The following ROBO2 variants were observed in gnomAD, a reference collection of about 807,000 sequenced individuals.
ROBO2 encodes the protein roundabout homolog 2.
Under a neutral mutation model 160.8 loss-of-function variants are expected in ROBO2, and 53 were observed. The observed-to-expected ratio is 0.33, with a 90% CI of 0.26 to 0.41. The LOEUF is 0.41. ROBO2 is among the 10% of genes least tolerant of loss of function. ROBO2 has a pLI of 1.00. For synonymous variants in ROBO2, 664 were observed against 611.7 expected (o/e 1.09, Z -1.26); for missense variants, 1,577 against 1,722.4 (o/e 0.92, Z 1.49).
chr3:76,674,646 T>C (rs1163540608), intron 2 of ROBO2, among the ~76,000 whole-genome samples: 1 of 130,860 alleles, frequency 7.6e-6, no homozygotes, highest in Non-Finnish European at 1.7e-5. Context: ...CTGTAGAAAG[T>C]GCAAATTAAA....
chr3:76,695,083 G>A (rs1409666857), intron 2 of ROBO2, among the ~76,000 whole-genome samples: 3 of 152,144 alleles, frequency 2.0e-5, no homozygotes, highest in Non-Finnish European at 4.4e-5. Flanking sequence ...CAGCCTGGGC[G>A]ATGGAGTGAG....
chr3:76,825,645 T>A (rs2066518307), intron 2 of ROBO2, among the ~76,000 whole-genome samples: 1 of 143,514 alleles, frequency 7.0e-6, no homozygotes, highest in Non-Finnish European at 1.5e-5. Context: ...AAGATGCATT[T>A]TTTTCCCTAT....
chr3:77,219,141 G>C (rs1019838960), intron 2 of ROBO2, among the ~76,000 whole-genome samples: 6 of 151,602 alleles, frequency 4.0e-5, no homozygotes, highest in African/African-American at 1.2e-4. Flanking sequence ...GCTAATTTTT[G>C]TATTTTTAGT....
chr3:77,235,078 T>A (rs1163071841), intron 2 of ROBO2, among the ~76,000 whole-genome samples: 1 of 152,210 alleles, frequency 6.6e-6, no homozygotes, highest in Non-Finnish European at 1.5e-5. Context: ...AGGTGCTTTC[T>A]TTATATCTTC....
At chr3:77,511,267 A>G (rs2089357692) in intron 5 of ROBO2, among the ~76,000 whole-genome samples, 1 of 151,958 alleles carries the variant, frequency 6.6e-6, no homozygotes, top group Non-Finnish European at 1.5e-5. Context: ...ACGGGCACTC[A>G]GAAGACAGCC....
intron 2 of ROBO2, among the ~76,000 whole-genome samples, chr3:76,688,056 T>C (rs1207833106): frequency 6.6e-6 from 1 of 152,056 alleles, no homozygotes; most frequent in Non-Finnish European, 1.5e-5. Flanking sequence ...AAATACTTCA[T>C]AAAGAAATTA....
At chr3:76,862,325 GC>G (rs1401919178) in intron 2 of ROBO2, among the ~76,000 whole-genome samples, 1 of 152,020 alleles carries the variant, frequency 6.6e-6, no homozygotes, top group Non-Finnish European at 1.5e-5. Context: ...GATTTTCCTT[GC>G]CCCTGTGAGG....
At chr3:77,124,175 T>C (rs2075093295) in intron 2 of ROBO2, among the ~76,000 whole-genome samples, 1 of 152,108 alleles carries the variant, frequency 6.6e-6, no homozygotes, top group Non-Finnish European at 1.5e-5. Context: ...TGATTGAAAA[T>C]TATTTTTGTA....
intron 2 of ROBO2, among the ~76,000 whole-genome samples, chr3:76,255,118 T>C (rs1368827320): frequency 2.0e-5 from 3 of 152,024 alleles, no homozygotes; most frequent in African/African-American, 7.2e-5. Flanking sequence ...AGAAAAGTCA[T>C]TGTGCCTGTG....
chr3:75,934,326 C>A (rs1052812617), intron 1 of ROBO2, among the ~76,000 whole-genome samples: 3 of 152,120 alleles, frequency 2.0e-5, no homozygotes, highest in African/African-American at 7.2e-5. Flanking sequence ...AGTAAAAGTA[C>A]ATACATAAAG....
chr3:76,286,253 G>A (rs1311651067), intron 2 of ROBO2, among the ~76,000 whole-genome samples: 1 of 152,158 alleles, frequency 6.6e-6, no homozygotes, highest in Non-Finnish European at 1.5e-5. Context: ...AGATGTTTTT[G>A]CTTGGCAGAG....
intron 2 of ROBO2, among the ~76,000 whole-genome samples, chr3:76,948,894 ATATATATATATATATT>A (rs1418259235): frequency 2.6e-4 from 7 of 26,724 alleles, no homozygotes; most frequent in Admixed American, 5.4e-4. Context: ...ATATATATAT[ATATATATATATATATT>A]TTTTTTTTTT....
intron 2 of ROBO2, among the ~76,000 whole-genome samples, chr3:76,473,458 A>G (rs968151177): frequency 1.3e-5 from 2 of 152,216 alleles, no homozygotes; most frequent in Non-Finnish European, 2.9e-5. Flanking sequence ...CTTGTAATAA[A>G]TAAATAGAAT....
At chr3:77,014,999 T>C (rs1331635018) in intron 2 of ROBO2, among the ~76,000 whole-genome samples, 1 of 152,108 alleles carries the variant, frequency 6.6e-6, no homozygotes. Context: ...AGATGTTCCT[T>C]TCTGAATCAT....
chr3:76,501,929 T>G (rs1199852216), intron 2 of ROBO2, among the ~76,000 whole-genome samples: 1 of 152,162 alleles, frequency 6.6e-6, no homozygotes, highest in Non-Finnish European at 1.5e-5. Flanking sequence ...CTGGAAGAGA[T>G]TGATCAAAAC....
At chr3:77,128,189 C>T (rs140507919) in intron 2 of ROBO2, among the ~76,000 whole-genome samples, 6 of 152,290 alleles carry the variant, frequency 3.9e-5, no homozygotes, top group African/African-American at 9.6e-5. Flanking sequence ...AAGGCTATGT[C>T]AGCGAATAAG....
intron 2 of ROBO2, among the ~76,000 whole-genome samples, chr3:75,989,883 C>T (rs1320969763): frequency 6.6e-6 from 1 of 152,210 alleles, no homozygotes; most frequent in African/African-American, 2.4e-5. Context: ...ATTGCAGGCC[C>T]ATTTTTGGCG....
At chr3:77,607,418 T>C (rs993836970) in intron 20 of ROBO2, among the ~76,000 whole-genome samples, 1 of 152,192 alleles carries the variant, frequency 6.6e-6, no homozygotes, top group Admixed American at 6.5e-5. Flanking sequence ...CATTTTCCAC[T>C]GAGAGAGATT....
chr3:76,323,175 A>ACACCC (rs752990413), intron 2 of ROBO2, among the ~76,000 whole-genome samples: 1 of 145,604 alleles, frequency 6.9e-6, no homozygotes, highest in African/African-American at 2.5e-5. Context: ...ACACACACAC[A>ACACCC]CCCCTAAAGG....
Sources: allele counts gnomAD v4.1 joint callset (sites outside exome capture counted in the v4.1 genomes callset), GRCh38; gene constraint gnomAD v4.1.1; transcripts MANE v1.5; gene names NCBI Gene and HGNC (gene_info 2026-07-23, HGNC 2026-07-21).